The following MAP2K1 variants were observed in gnomAD, a reference collection of about 807,000 sequenced individuals.
MAP2K1 encodes the protein dual specificity mitogen-activated protein kinase kinase 1.
MAP2K1 carries 16 observed loss-of-function variants against 46.3 expected under a neutral mutation model. That is an observed-to-expected ratio of 0.35 (90% CI 0.23 to 0.52). The LOEUF is 0.52. Among genes scored for constraint, MAP2K1 ranks in the 20% least tolerant of loss-of-function variants. The pLI is 0.94. For missense variants in MAP2K1, 263 were observed against 497.1 expected, an observed-to-expected ratio of 0.53 and a Z score of 4.48; for synonymous variants, 183 against 185.6, an observed-to-expected ratio of 0.99 and a Z score of 0.11.
chr15:66,387,290 A>T lies in MAP2K1; in HGVS notation c.-58A>T. The T allele has an allele frequency of 2.1e-6, 3 of 1,400,624 alleles. No homozygotes were observed. Among genetic ancestry groups the T allele is most frequent in the South Asian group, 1.2e-5 (1 of 80,982 alleles). The allele number at this position is 1,400,624 out of a possible 1,614,324, so 86.8% of individuals were successfully genotyped here. ...AGCGGGCGCGGGGCAGCGCAGCGGG[A>T]GGAAGCGAGAGGTGCTGCCCTCCCC... is the stretch of plus-strand genomic sequence containing the variant. On this transcript the variant is annotated 5_prime_UTR_variant, in exon 1 of 11. Transcript: ENST00000307102.
At position 66,470,715 on chromosome 15, in the gene MAP2K1, G is replaced by A. The variant is rs146033236; in HGVS notation, c.569-11040G>A. Among the ~76,000 whole-genome samples, 41 of 152,228 alleles carry A rather than the reference G, an allele frequency of 2.7e-4. No individual in the cohort carries two copies. In the East Asian group the frequency reaches 7.5e-3, roughly 28 times the overall value. ...GCCACCAATAGGAGATTTGTCAAAG[G>A]TCAGGGGCACCTCCACTCAGAATCC... is the stretch of plus-strand genomic sequence containing the variant. On this transcript the variant is annotated intron_variant, in intron 5 of 10. Coordinates refer to ENST00000307102, the MANE Select transcript of MAP2K1 (RefSeq NM_002755.4).
At chr15:66,479,898 A>C (rs1892873107) in intron 5 of MAP2K1, among the ~76,000 whole-genome samples, 1 of 151,338 alleles carries the variant, frequency 6.6e-6, no homozygotes, top group Non-Finnish European at 1.5e-5. Context: ...TTTTTTTATT[A>C]TTTTTATTTT....
chr15:66,484,580 A>G (rs1336742136), intron 6 of MAP2K1, among the ~76,000 whole-genome samples: 3 of 151,722 alleles, frequency 2.0e-5, no homozygotes, highest in Non-Finnish European at 4.4e-5. Context: ...GCACCACCTC[A>G]CTCCCAACCC....
At position 66,435,160 on chromosome 15, in the gene MAP2K1, A is replaced by C; in HGVS notation, c.214A>C (p.Ser72Arg). ...ELKDDDFEKI[S>R]ELGAGNGGVV... Reference sequence around the variant, plus strand: ...GAAGGATGACGACTTTGAGAAGATCAGTGAGCTGGGGGCTGGCAATGGCGG... The same window carrying C: ...GAAGGATGACGACTTTGAGAAGATCCGTGAGCTGGGGGCTGGCAATGGCGG... The change falls in exon 2 of 11, where the codon AGT (serine) becomes CGT (arginine). Residue 72 changes from serine to arginine, a missense_variant. Ser to Arg is a moderately radical substitution (Grantham distance 110). Coordinates refer to ENST00000307102, the MANE Select transcript of MAP2K1 (RefSeq NM_002755.4). 6.2e-7 allele frequency: 1 copy of C among 1,614,140 alleles called. No homozygotes were observed. Among genetic ancestry groups the C allele is most frequent in the South Asian group, 1.1e-5 (1 of 91,084 alleles).
chr15:66,484,523 A>C (rs895242994), intron 6 of MAP2K1, among the ~76,000 whole-genome samples: 2 of 152,128 alleles, frequency 1.3e-5, no homozygotes, highest in African/African-American at 4.8e-5. Context: ...ATTGGGATTT[A>C]AGTCTCAGGC....
chr15:66,447,815 C>T (rs1891912841), intron 5 of MAP2K1, among the ~76,000 whole-genome samples: 1 of 152,040 alleles, frequency 6.6e-6, no homozygotes, highest in South Asian at 2.1e-4. Flanking sequence ...CACCATCCAT[C>T]TCCAGAACTT....
chr15:66,455,023 C>T (rs747680402), intron 5 of MAP2K1, among the ~76,000 whole-genome samples: 43 of 152,210 alleles, frequency 2.8e-4, no homozygotes, highest in Non-Finnish European at 4.3e-4. Flanking sequence ...AAATAGCTCC[C>T]TGGCGTACAA....
At chr15:66,414,632 G>A (rs981544980) in intron 1 of MAP2K1, among the ~76,000 whole-genome samples, 25 of 152,038 alleles carry the variant, frequency 1.6e-4, no homozygotes, top group African/African-American at 6.0e-4. Context: ...CATTACATAG[G>A]CATGATTAAT....
chr15:66,403,386 GC>G (rs1351980053), intron 1 of MAP2K1, among the ~76,000 whole-genome samples: 4 of 152,170 alleles, frequency 2.6e-5, no homozygotes, highest in African/African-American at 7.2e-5. Flanking sequence ...TGGGGTTGGG[GC>G]TGGGACAGGG....
At chr15:66,441,535 G>C (rs1469657692) in intron 3 of MAP2K1, among the ~76,000 whole-genome samples, 1 of 152,068 alleles carries the variant, frequency 6.6e-6, no homozygotes, top group Non-Finnish European at 1.5e-5. Flanking sequence ...GCTGGGTGGG[G>C]TGGCACGTAC....
At chr15:66,403,829 C>CA (rs2093388687) in intron 1 of MAP2K1, among the ~76,000 whole-genome samples, 3 of 152,162 alleles carry the variant, frequency 2.0e-5, no homozygotes, top group Admixed American at 2.0e-4. Context: ...AGAGTAGACT[C>CA]AGAGTCAGAA....
intron 1 of MAP2K1, among the ~76,000 whole-genome samples, chr15:66,433,089 A>G (rs1409800086): frequency 6.6e-6 from 1 of 151,688 alleles, no homozygotes; most frequent in African/African-American, 2.4e-5. Context: ...TGTGGGGTCC[A>G]TCTACATTTG....
chr15:66,478,403 TATATATATATACACACAG>T (rs1892819459), intron 5 of MAP2K1, among the ~76,000 whole-genome samples: 2 of 89,690 alleles, frequency 2.2e-5, no homozygotes, highest in African/African-American at 3.9e-5. Flanking sequence ...TGTGTGTGTA[TATATATATATACACACAG>T]GTATATATAT....
At chr15:66,459,617 C>A (rs12594978) in intron 5 of MAP2K1, among the ~76,000 whole-genome samples, 15,237 of 143,234 alleles carry the variant, frequency 0.11, 961 homozygotes, top group East Asian at 0.32. Flanking sequence ...GACACCATCT[C>A]AAAAAAAAAA....
At chr15:66,421,023 A>AT (rs398118949) in intron 1 of MAP2K1, among the ~76,000 whole-genome samples, 1 of 146,592 alleles carries the variant, frequency 6.8e-6, no homozygotes, top group Admixed American at 6.9e-5. Flanking sequence ...ATATACTTAT[A>AT]ATTTTTATAT....
intron 5 of MAP2K1, among the ~76,000 whole-genome samples, chr15:66,454,122 G>A (rs72750486): frequency 0.13 from 20,549 of 152,228 alleles, 1,432 homozygotes; most frequent in Non-Finnish European, 0.15. Context: ...TCTTCCAGTA[G>A]CAAGAGGGGG....
At chr15:66,401,389 G>A (rs1010276261) in intron 1 of MAP2K1, among the ~76,000 whole-genome samples, 2 of 152,046 alleles carry the variant, frequency 1.3e-5, no homozygotes, top group Non-Finnish European at 2.9e-5. Flanking sequence ...CAGTTTAGTG[G>A]TTTTTGATAG....
At chr15:66,390,868 A>G (rs1726166880) in intron 1 of MAP2K1, among the ~76,000 whole-genome samples, 1 of 151,456 alleles carries the variant, frequency 6.6e-6, no homozygotes, top group Admixed American at 6.6e-5. Context: ...CACTTCCTCT[A>G]TGGGATGGTC....
chr15:66,461,517 A>AAATAAAT (rs1226805898), intron 5 of MAP2K1, among the ~76,000 whole-genome samples: 49 of 136,780 alleles, frequency 3.6e-4, no homozygotes, highest in Non-Finnish European at 5.9e-4. Context: ...AATAAATAAT[A>AAATAAAT]AAATAATAAT....
Sources: allele counts gnomAD v4.1 joint callset (sites outside exome capture counted in the v4.1 genomes callset), GRCh38; gene constraint gnomAD v4.1.1; transcripts MANE v1.5; gene names NCBI Gene and HGNC (gene_info 2026-07-23, HGNC 2026-07-21).